WDR7: variants seen among roughly 807,000 people sequenced by gnomAD.
The protein encoded by WDR7 is WD repeat-containing protein 7.
WDR7 carries 46 observed loss-of-function variants against 169.4 expected under a neutral mutation model. That is an observed-to-expected ratio of 0.27 (90% CI 0.21 to 0.35). The LOEUF is 0.35. WDR7 is among the 10% of genes least tolerant of loss of function. The probability of loss-of-function intolerance (pLI) is 1.00; values close to 1 mark genes in which losing one functional copy is unlikely to be tolerated. For synonymous variants in WDR7, 612 were observed against 666.8 expected, an observed-to-expected ratio of 0.92 and a Z score of 1.27; for missense variants, 1,534 against 1,859.3, an observed-to-expected ratio of 0.83 and a Z score of 3.22.
At chr18:56,861,964 A>G (rs752512411) in intron 20 of WDR7, among the ~76,000 whole-genome samples, 1 of 152,082 alleles carries the variant, frequency 6.6e-6, no homozygotes, top group Non-Finnish European at 1.5e-5. Context: ...ACCTATAGAT[A>G]GGTGCATTTC....
chr18:56,659,562 T>G (rs2024859905), intron 1 of WDR7, among the ~76,000 whole-genome samples: 1 of 152,202 alleles, frequency 6.6e-6, no homozygotes, highest in Non-Finnish European at 1.5e-5. Context: ...GTGGTAGATT[T>G]TGCAATTTAT....
intron 20 of WDR7, among the ~76,000 whole-genome samples, chr18:56,863,012 G>C (rs996701310): frequency 6.6e-6 from 1 of 151,792 alleles, no homozygotes; most frequent in African/African-American, 2.4e-5. Flanking sequence ...CAGTTTTATT[G>C]AAGTTTCACC....
chr18:56,671,627 G>A (rs765877010), intron 1 of WDR7, among the ~76,000 whole-genome samples: 29 of 152,246 alleles, frequency 1.9e-4, no homozygotes, highest in South Asian at 2.1e-4. Flanking sequence ...AGTTTTTCTT[G>A]GGCGTTGGTA....
chr18:56,920,461 C>G (rs2046699975), intron 21 of WDR7, among the ~76,000 whole-genome samples: 1 of 152,076 alleles, frequency 6.6e-6, no homozygotes, highest in Non-Finnish European at 1.5e-5. Context: ...TTTTCCCTAG[C>G]ACATAGTAGA....
At chr18:57,017,940 A>G (rs1041519424) in intron 26 of WDR7, among the ~76,000 whole-genome samples, 2 of 152,234 alleles carry the variant, frequency 1.3e-5, no homozygotes, top group African/African-American at 2.4e-5. Flanking sequence ...AAAAAATGGA[A>G]TATTTAGAGA....
intron 14 of WDR7, among the ~76,000 whole-genome samples, chr18:56,747,124 C>G (rs866200193): frequency 6.6e-6 from 1 of 152,192 alleles, no homozygotes; most frequent in Non-Finnish European, 1.5e-5. Flanking sequence ...TACCACCTCC[C>G]TTCTCTCTCA....
At chr18:56,823,232 A>T (rs1007657471) in intron 20 of WDR7, among the ~76,000 whole-genome samples, 1 of 152,094 alleles carries the variant, frequency 6.6e-6, no homozygotes, top group African/African-American at 2.4e-5. Flanking sequence ...TCAATATCAG[A>T]TTCGTATGTC....
chr18:56,906,855 A>C (rs1301143383), intron 21 of WDR7, among the ~76,000 whole-genome samples: 7 of 151,936 alleles, frequency 4.6e-5, no homozygotes, highest in African/African-American at 1.7e-4. Context: ...ACTTCTTTCT[A>C]CTTTTGCTTA....
chr18:56,879,164 G>T (rs1264201540), intron 20 of WDR7, among the ~76,000 whole-genome samples: 1 of 152,114 alleles, frequency 6.6e-6, no homozygotes, highest in Non-Finnish European at 1.5e-5. Context: ...TGGGCCACAT[G>T]GTAACCCTAT....
intron 26 of WDR7, among the ~76,000 whole-genome samples, chr18:56,978,285 T>C (rs1178417370): frequency 6.6e-6 from 1 of 152,222 alleles, no homozygotes; most frequent in Non-Finnish European, 1.5e-5. Context: ...AGCCCAAGTT[T>C]ATTAGGGATA....
intron 22 of WDR7, among the ~76,000 whole-genome samples, chr18:56,932,874 G>GGTGGGTGTGTGTGT (rs1555713475): frequency 2.0e-4 from 27 of 131,922 alleles, no homozygotes; most frequent in African/African-American, 9.6e-4. Flanking sequence ...CTTCATTCTG[G>GGTGGGTGTGTGTGT]GTGTGTGTGT....
rs1305893975 is a variant in WDR7, at chr18:57,029,736, A to C, written c.*2529A>C. The stretch of plus-strand genomic sequence containing the variant: ...TTAATGATTCCACTTAATAGACTCT[A>C]TGTGTGCTGAATGTTCCTGTGTACA... On this transcript the variant is annotated 3_prime_UTR_variant, in exon 28 of 28. Coordinates refer to ENST00000254442, the MANE Select transcript of WDR7 (RefSeq NM_015285.3). The C allele has an allele frequency of 1.3e-5, 2 of 152,148 alleles. No homozygotes were observed. The highest frequency in any genetic ancestry group is 2.4e-5 in the African/African-American group (1 of 41,432). The allele number at this position is 152,148 out of a possible 1,614,324, so 9.4% of individuals were successfully genotyped here.
intron 25 of WDR7, among the ~76,000 whole-genome samples, chr18:56,947,581 C>T (rs2047123438): frequency 6.6e-6 from 1 of 152,222 alleles, no homozygotes. Flanking sequence ...TTACTGAACT[C>T]AGATCCCCTT....
chr18:56,942,010 A>T lies in WDR7; in HGVS notation c.4064+2617A>T, dbSNP rs115722351. ...AATAATGATCTTACCTGTTTTTGTC[A>T]CTGGTAGGTGGAGTTCTTTCCCTGC... On this transcript the variant is annotated intron_variant, in intron 25 of 27. Transcript: ENST00000254442. 4.0e-3 allele frequency among the ~76,000 whole-genome samples: 615 copies of T among 152,178 alleles called. 3 individuals carry two copies. The highest frequency in any genetic ancestry group is 0.013 in the African/African-American group (539 of 41,548).
At chr18:56,711,974 TA>T (rs1338284439) in intron 12 of WDR7, among the ~76,000 whole-genome samples, 1 of 152,162 alleles carries the variant, frequency 6.6e-6, no homozygotes, top group African/African-American at 2.4e-5. Context: ...TGGGCATGTT[TA>T]AAAGGAAAGA....
At position 57,027,482 on chromosome 18, in the gene WDR7, T is replaced by C. The variant is rs1787474; in HGVS notation, c.*275T>C. The C allele has an allele frequency of 0.87, 419,011 of 479,552 alleles. 183,469 individuals carry two copies. Among genetic ancestry groups the C allele is most frequent in the East Asian group, 0.99 (25,917 of 26,188 alleles). The allele number at this position is 479,552 out of a possible 1,614,324, so 29.7% of individuals were successfully genotyped here. On this transcript the variant is annotated 3_prime_UTR_variant, in exon 28 of 28. Coordinates refer to ENST00000254442, the MANE Select transcript of WDR7 (RefSeq NM_015285.3). ...GCCAGAGATGGCAGGGGAAAGCCAG[T>C]GGTTCCTGGGAACGCTCTTGTTGCT...
chr18:56,706,030 C>T (rs2025945487), intron 12 of WDR7, among the ~76,000 whole-genome samples: 1 of 152,070 alleles, frequency 6.6e-6, no homozygotes, highest in Non-Finnish European at 1.5e-5. Context: ...TAATGACCAA[C>T]AGATCAGAGT....
intron 20 of WDR7, among the ~76,000 whole-genome samples, chr18:56,867,607 A>G (rs1436072139): frequency 6.6e-6 from 1 of 152,206 alleles, no homozygotes; most frequent in African/African-American, 2.4e-5. Context: ...TTTTAAAATT[A>G]GTTTTGGAAA....
At chr18:56,754,319 A>G (rs1228488165) in intron 14 of WDR7, among the ~76,000 whole-genome samples, 1 of 146,940 alleles carries the variant, frequency 6.8e-6, no homozygotes, top group African/African-American at 2.6e-5. Context: ...ATACATATAT[A>G]TGTGTGTATA....
Sources: allele counts gnomAD v4.1 joint callset (sites outside exome capture counted in the v4.1 genomes callset), GRCh38; gene constraint gnomAD v4.1.1; transcripts MANE v1.5; gene names NCBI Gene and HGNC (gene_info 2026-07-23, HGNC 2026-07-21).